SMOC2: variants seen among roughly 807,000 people sequenced by gnomAD.
SMOC2 encodes the protein SPARC related modular calcium binding 2, also known as SPARC-related modular calcium-binding protein 2.
Under a neutral mutation model 61.4 loss-of-function variants are expected in SMOC2, and 39 were observed. The observed-to-expected ratio is 0.64, with a 90% CI of 0.49 to 0.83. The LOEUF (loss-of-function observed/expected upper bound fraction) is 0.83, where lower values mean the gene tolerates loss of function less well. Among genes scored for constraint, SMOC2 ranks in the 40% least tolerant of loss-of-function variants. The pLI is 0.00. For missense variants in SMOC2, 556 were observed against 592.9 expected, an observed-to-expected ratio of 0.94 and a Z score of 0.65; for synonymous variants, 247 against 239.9, an observed-to-expected ratio of 1.03 and a Z score of -0.27.
chr6:168,626,416 G>A (rs932412683), intron 9 of SMOC2, among the ~76,000 whole-genome samples: 13 of 152,314 alleles, frequency 8.5e-5, no homozygotes, highest in East Asian at 1.9e-4. Flanking sequence ...ACTTGAGGTC[G>A]TCCAGAGAAG....
At chr6:168,519,021 G>A (rs942287511) in intron 2 of SMOC2, among the ~76,000 whole-genome samples, 4 of 94,140 alleles carry the variant, frequency 4.2e-5, no homozygotes, top group South Asian at 3.7e-4. Flanking sequence ...GCGTGCATGC[G>A]AACATGTGTG....
intron 9 of SMOC2, among the ~76,000 whole-genome samples, chr6:168,618,436 A>G (rs1337783521): frequency 2.1e-5 from 3 of 144,494 alleles, no homozygotes; most frequent in Non-Finnish European, 4.5e-5. Context: ...AGAGTGGAGG[A>G]GAGGCGGGTA....
intron 6 of SMOC2, among the ~76,000 whole-genome samples, chr6:168,548,216 T>C (rs558029642): frequency 2.6e-5 from 4 of 152,230 alleles, no homozygotes; most frequent in Non-Finnish European, 5.9e-5. Context: ...ACCTTCTGAA[T>C]GCCCTTCCGC....
chr6:168,573,970 G>A (rs1392853289), intron 7 of SMOC2, among the ~76,000 whole-genome samples: 1 of 152,192 alleles, frequency 6.6e-6, no homozygotes, highest in Non-Finnish European at 1.5e-5. Context: ...TAAGGGGCAC[G>A]TGCCCTTCTC....
intron 9 of SMOC2, among the ~76,000 whole-genome samples, chr6:168,628,244 G>A (rs1026423087): frequency 4.6e-5 from 7 of 152,194 alleles, no homozygotes; most frequent in Admixed American, 1.3e-4. Context: ...GGGCCTCGTC[G>A]AGACATACAC....
Position 168,502,389 on chromosome 6 carries a change from C to T in SMOC2, c.85-7526C>T, listed in dbSNP as rs118094711. Among the ~76,000 whole-genome samples, 722 of 152,332 alleles carry T rather than the reference C, an allele frequency of 4.7e-3. 2 individuals carry two copies. Among genetic ancestry groups the T allele is most frequent in the Non-Finnish European group, 8.1e-3 (548 of 68,026 alleles). On this transcript the variant is annotated intron_variant, in intron 1 of 12. Coordinates refer to ENST00000356284, the MANE Select transcript of SMOC2 (RefSeq NM_001166412.2). ...TGCCATCGCCAAGGTCAGCATGTTC[C>T]CTTTGACCACAGAGCCTTGCCAGCC...
At chr6:168,661,031 G>T (rs935286036) in intron 11 of SMOC2, among the ~76,000 whole-genome samples, 3 of 152,092 alleles carry the variant, frequency 2.0e-5, no homozygotes, top group African/African-American at 7.2e-5. Context: ...GGCAAAAGAG[G>T]CAATTTGGTC....
chr6:168,640,258 CAG>C (rs34581815), intron 9 of SMOC2, among the ~76,000 whole-genome samples: 109,741 of 151,668 alleles, frequency 0.72, 40,822 homozygotes, highest in African/African-American at 0.9. Context: ...GTTGCCAACT[CAG>C]AAGGATTGGC....
chr6:168,479,428 A>G (rs1345630251), intron 1 of SMOC2, among the ~76,000 whole-genome samples: 27 of 152,238 alleles, frequency 1.8e-4, no homozygotes, highest in Admixed American at 1.8e-3. Context: ...GAAATAGTGG[A>G]GAAGGAAACA....
intron 9 of SMOC2, among the ~76,000 whole-genome samples, chr6:168,627,628 T>C (rs192866155): frequency 6.6e-6 from 1 of 152,276 alleles, no homozygotes; most frequent in African/African-American, 2.4e-5. Context: ...GCTTTGTCAC[T>C]GGTAGATTCA....
chr6:168,662,036 T>G (rs1286770525), intron 11 of SMOC2, among the ~76,000 whole-genome samples: 1 of 152,242 alleles, frequency 6.6e-6, no homozygotes, highest in African/African-American at 2.4e-5. Flanking sequence ...GGAAGACAGT[T>G]TGAAAATAGA....
intron 1 of SMOC2, 126 bp downstream of exon 1, chr6:168,441,580 C>T (rs1486612958): frequency 1.6e-6 from 2 of 1,278,376 alleles, no homozygotes; most frequent in Non-Finnish European, 2.0e-6. Context: ...GCCCCGGGGG[C>T]CGTGGAGCCT....
At chr6:168,494,179 C>G (rs1211733689) in intron 1 of SMOC2, among the ~76,000 whole-genome samples, 1 of 152,174 alleles carries the variant, frequency 6.6e-6, no homozygotes, top group African/African-American at 2.4e-5. Flanking sequence ...TCTACACGCT[C>G]TGAGTGCAAG....
At chr6:168,512,135 G>C (rs1783023970) in intron 2 of SMOC2, among the ~76,000 whole-genome samples, 1 of 152,176 alleles carries the variant, frequency 6.6e-6, no homozygotes, top group African/African-American at 2.4e-5. Flanking sequence ...GGTCCTCTGA[G>C]GACCGACAGG....
At chr6:168,664,034 GTC>G (rs1562413626) in intron 11 of SMOC2, 38 bp from the exon 12 acceptor site, 39 of 1,544,100 alleles carry the variant, frequency 2.5e-5, no homozygotes, top group Non-Finnish European at 3.4e-5. Context: ...TAAATAATGA[GTC>G]TCTGATTTTT....
chr6:168,557,231 AT>A (rs1385703588), intron 7 of SMOC2, among the ~76,000 whole-genome samples: 1 of 152,202 alleles, frequency 6.6e-6, no homozygotes, highest in Non-Finnish European at 1.5e-5. Flanking sequence ...TTTGTAAGTT[AT>A]TAATTTTTGG....
chr6:168,524,527 A>T (rs1027954832), intron 2 of SMOC2, among the ~76,000 whole-genome samples: 4 of 152,240 alleles, frequency 2.6e-5, no homozygotes, highest in African/African-American at 9.6e-5. Context: ...CTTTCTTGGC[A>T]TGTTCCATGA....
chr6:168,623,329 ATTT>A (rs11284179), intron 9 of SMOC2, among the ~76,000 whole-genome samples: 5 of 129,106 alleles, frequency 3.9e-5, no homozygotes, highest in Non-Finnish European at 6.4e-5. Flanking sequence ...TGGATAATTA[ATTT>A]TTTTTTTTTT....
At chr6:168,562,540 G>A (rs569853832) in intron 7 of SMOC2, among the ~76,000 whole-genome samples, 78 of 152,070 alleles carry the variant, frequency 5.1e-4, no homozygotes, top group African/African-American at 1.8e-3. Flanking sequence ...CACTTTGGGG[G>A]TGAGGAGGTA....
Sources: gnomAD v4.1 joint callset for allele counts (sites outside exome capture counted in the v4.1 genomes callset) on GRCh38, gnomAD v4.1.1 for gene constraint, MANE v1.5 for transcripts, NCBI Gene and HGNC (gene_info 2026-07-23, HGNC 2026-07-21) for gene names.